The following VIT variants were observed in gnomAD, a reference collection of about 807,000 sequenced individuals.
VIT encodes the protein vitrin.
VIT carries 99 observed loss-of-function variants against 78.0 expected under a neutral mutation model. The observed-to-expected ratio is 1.27, with a 90% CI of 1.08 to 1.50. The LOEUF is 1.50. VIT is among the 40% of genes most tolerant of loss of function. VIT has a pLI of 0.00. For missense variants in VIT, 1,126 were observed against 875.3 expected, an observed-to-expected ratio of 1.29 and a Z score of -3.61; for synonymous variants, 374 against 334.3, an observed-to-expected ratio of 1.12 and a Z score of -1.29.
intron 12 of VIT, among the ~76,000 whole-genome samples, chr2:36,797,352 T>C (rs1213665423): frequency 6.6e-6 from 1 of 152,120 alleles, no homozygotes. Context: ...TAGGACCAGG[T>C]AGGAAACTCT....
At chr2:36,705,403 G>C (rs1665352901) in intron 1 of VIT, among the ~76,000 whole-genome samples, 1 of 152,178 alleles carries the variant, frequency 6.6e-6, no homozygotes, top group Admixed American at 6.5e-5. Flanking sequence ...AGTGTCTCTA[G>C]AAATCACCAT....
At chr2:36,706,896 T>C (rs1024133754) in intron 1 of VIT, among the ~76,000 whole-genome samples, 1 of 152,196 alleles carries the variant, frequency 6.6e-6, no homozygotes, top group Non-Finnish European at 1.5e-5. Context: ...TGTGAGGAGT[T>C]GGCAGGGTAG....
In VIT at chr2:36,808,601, A is replaced by T; in HGVS notation, c.1519A>T (p.Asn507Tyr). 1 of 1,614,122 alleles carries T rather than the reference A, an allele frequency of 6.2e-7. No homozygotes were observed. Among genetic ancestry groups the T allele is most frequent in the Non-Finnish European group, 8.5e-7 (1 of 1,180,024 alleles). Residue 507 changes from asparagine to tyrosine, a missense_variant, in exon 15 of 16, where the codon AAC becomes TAC. Coordinates refer to ENST00000379242, the MANE Select transcript of VIT (RefSeq NM_053276.4). ...CCTGGCCTGCAGCAAGACCTGCTTG[A>T]ACTCGGCTGACATTGGCTTCGTCAT... ...DRLACSKTCL[N>Y]SADIGFVIDG...
At chr2:36,734,717 C>T (rs1351455516) in intron 3 of VIT, among the ~76,000 whole-genome samples, 1 of 152,190 alleles carries the variant, frequency 6.6e-6, no homozygotes, top group Non-Finnish European at 1.5e-5. Flanking sequence ...TCTCTCCTCT[C>T]TACTTTCCCT....
chr2:36,765,117 A>C (rs1172846381), intron 6 of VIT, among the ~76,000 whole-genome samples: 1 of 152,144 alleles, frequency 6.6e-6, no homozygotes, highest in African/African-American at 2.4e-5. Flanking sequence ...TGCTAATGTG[A>C]TTAAATTAAG....
intron 15 of VIT, among the ~76,000 whole-genome samples, chr2:36,811,001 C>A (rs754991214): frequency 6.6e-6 from 1 of 152,200 alleles, no homozygotes; most frequent in Non-Finnish European, 1.5e-5. Flanking sequence ...ACTTTCATTT[C>A]TTCCTAAAAC....
Position 36,716,383 on chromosome 2 carries a change from G to C in VIT, c.13G>C (p.Val5Leu), listed in dbSNP as rs148935502. MRTV[V>L]LTMKASVIEM... The stretch of plus-strand genomic sequence containing the variant: ...CATTCTGATATTTATGAGGACTGTT[G>C]TTCTCACTATGAAGGCATCTGTTAT... Residue 5 changes from valine to leucine, a missense_variant, in exon 2 of 16, where the codon GTT becomes CTT. Physicochemically the swap from Val to Leu is conservative, Grantham distance 32 (BLOSUM62 1). Coordinates refer to ENST00000379242, the MANE Select transcript of VIT (RefSeq NM_053276.4). 24 of 1,613,782 alleles carry C rather than the reference G, an allele frequency of 1.5e-5. No homozygotes were observed. The African/African-American group carries it at 2.9e-4, about 20-fold the overall frequency.
rs1173066403 is a variant in VIT at position 36,728,535 on chromosome 2, C to T, written c.53-891C>T. ...ATTATATTAAAGAAAAAATATTGGCCGGGCGCGGTGGCTCACGCCTGTAAT... is the reference window on the plus strand; with the variant it reads ...ATTATATTAAAGAAAAAATATTGGCTGGGCGCGGTGGCTCACGCCTGTAAT... On this transcript the variant is annotated intron_variant, in intron 2 of 15. Coordinates refer to ENST00000379242, the MANE Select transcript of VIT (RefSeq NM_053276.4). Among the ~76,000 whole-genome samples, 2 of 29,462 alleles carry T rather than the reference C, an allele frequency of 6.8e-5. 1 individual carries two copies. Among genetic ancestry groups the T allele is most frequent in the African/African-American group, 1.5e-4 (2 of 13,376 alleles). The allele number at this position is 29,462 out of a possible 152,430, so 19.3% of individuals were successfully genotyped here.
At chr2:36,758,077 A>T (rs1262897658) in intron 5 of VIT, among the ~76,000 whole-genome samples, 1 of 152,190 alleles carries the variant, frequency 6.6e-6, no homozygotes, top group African/African-American at 2.4e-5. Flanking sequence ...TTCCCTCCAG[A>T]TGGGAGAAGA....
At chr2:36,738,344 T>C (rs1434950517) in intron 3 of VIT, among the ~76,000 whole-genome samples, 4 of 152,342 alleles carry the variant, frequency 2.6e-5, no homozygotes, top group East Asian at 3.9e-4. Context: ...AATTGTTCAA[T>C]TGTTAATTGA....
chr2:36,726,467 T>G (rs1049399151), intron 2 of VIT, among the ~76,000 whole-genome samples: 1 of 152,246 alleles, frequency 6.6e-6, no homozygotes, highest in Non-Finnish European at 1.5e-5. Context: ...TTTGTGTTGT[T>G]TACGTTTTTC....
At chr2:36,779,318 A>T (rs561012459) in intron 9 of VIT, among the ~76,000 whole-genome samples, 19 of 152,332 alleles carry the variant, frequency 1.2e-4, no homozygotes, top group Non-Finnish European at 2.2e-4. Context: ...TCATAGCTGC[A>T]CCTAACTCAC....
rs557034178 is a variant in VIT, at chr2:36,759,156, T to C, written c.487+110T>C. 6.9e-6 allele frequency: 11 copies of C among 1,602,954 alleles called. No individual in the cohort carries two copies. In the South Asian group the frequency reaches 1.2e-4, roughly 18 times the overall value. ...TCTTAACCGGTCAAGCTCCACTGGC[T>C]CTGGCAATATTTTAACAGATGCCAG... On this transcript the variant is annotated intron_variant, in intron 6 of 15. Coordinates refer to ENST00000379242, the MANE Select transcript of VIT (RefSeq NM_053276.4).
intron 3 of VIT, among the ~76,000 whole-genome samples, chr2:36,741,437 C>G (rs1232465295): frequency 3.3e-5 from 5 of 152,144 alleles, no homozygotes; most frequent in Non-Finnish European, 7.3e-5. Flanking sequence ...CCTCGGTTCC[C>G]AGCAGAAGTT....
intron 4 of VIT, among the ~76,000 whole-genome samples, chr2:36,743,973 T>G (rs1667988137): frequency 6.6e-6 from 1 of 152,136 alleles, no homozygotes. Flanking sequence ...TTCCCCCTTC[T>G]TGTATTCCCC....
chr2:36,760,097 C>T (rs550371199), intron 6 of VIT, among the ~76,000 whole-genome samples: 5 of 151,792 alleles, frequency 3.3e-5, no homozygotes, highest in Admixed American at 2.0e-4. Context: ...CAGGTTCAAG[C>T]GATTCTCCTG....
At position 36,759,602 on chromosome 2, in the gene VIT, A is replaced by G. The variant is rs1668984132; in HGVS notation, c.487+556A>G. 18 of 1,046,100 alleles carry G rather than the reference A, an allele frequency of 1.7e-5. No individual in the cohort carries two copies. The South Asian group carries it at 6.2e-4, about 36-fold the overall frequency. The allele number at this position is 1,046,100 out of a possible 1,614,324, so 64.8% of individuals were successfully genotyped here. ...TTCCAGGTTTCTGTGTTAAATCAAG[A>G]ACTGTACTATGCATTATTGTATCTC... On this transcript the variant is annotated intron_variant, in intron 6 of 15. Transcript: ENST00000379242.
intron 9 of VIT, 120 bp from the exon 10 acceptor site, chr2:36,781,607 G>C (rs781667649): frequency 2.7e-6 from 3 of 1,128,304 alleles, no homozygotes; most frequent in Non-Finnish European, 3.9e-6. Context: ...CTGGCCCTCT[G>C]TTCCTTTATT....
At position 36,781,735 on chromosome 2, in the gene VIT, G is replaced by T; in HGVS notation, c.811G>T (p.Asp271Tyr). Residue 271 changes from aspartate (D) to tyrosine (Y), a missense_variant, in exon 10 of 16, where the codon GAC (aspartate) becomes TAC (tyrosine). By Grantham distance (160) the Asp-to-Tyr change is radical (BLOSUM62 -3). Transcript: ENST00000379242. ...VGADVSLGEM[D>Y]SWKPGSVLLD... Reference sequence around the variant, plus strand: ...TCAATTTTGAAAATCAGGAGAGATGGACTCATGGAAACCTGGATCGGTCCT... The same window carrying T: ...TCAATTTTGAAAATCAGGAGAGATGTACTCATGGAAACCTGGATCGGTCCT... 6.2e-7 allele frequency: 1 copy of T among 1,614,140 alleles called. No individual in the cohort carries two copies. The highest frequency in any genetic ancestry group is 8.5e-7 in the Non-Finnish European group (1 of 1,180,026).
Sources: gnomAD v4.1 joint callset for allele counts (sites outside exome capture counted in the v4.1 genomes callset) on GRCh38, gnomAD v4.1.1 for gene constraint, MANE v1.5 for transcripts, NCBI Gene and HGNC (gene_info 2026-07-23, HGNC 2026-07-21) for gene names.